The following DSCAM variants were observed in gnomAD, a reference collection of about 807,000 sequenced individuals.
DSCAM encodes DS cell adhesion molecule.
A neutral mutation model predicts 217.7 loss-of-function variants in DSCAM; 47 were observed. The observed-to-expected ratio is 0.22, with a 90% confidence interval of 0.17 to 0.28. The LOEUF is 0.28. DSCAM is among the 10% of genes least tolerant of loss of function. DSCAM has a pLI of 1.00. For synonymous variants in DSCAM, 1,056 were observed against 1,015.3 expected, an observed-to-expected ratio of 1.04 and a Z score of -0.76; for missense variants, 2,080 against 2,618.3, an observed-to-expected ratio of 0.79 and a Z score of 4.49.
intron 4 of DSCAM, among the ~76,000 whole-genome samples, chr21:40,363,631 T>G (rs948183587): frequency 6.6e-6 from 1 of 152,146 alleles, no homozygotes; most frequent in Admixed American, 6.5e-5. Flanking sequence ...AAGGACTTCA[T>G]GTCTAAAACA....
chr21:40,613,765 G>A (rs1237404255), intron 3 of DSCAM, among the ~76,000 whole-genome samples: 1 of 151,218 alleles, frequency 6.6e-6, no homozygotes, highest in Non-Finnish European at 1.5e-5. Context: ...GCTCACCACA[G>A]GGAATCTCAT....
intron 1 of DSCAM, among the ~76,000 whole-genome samples, chr21:40,845,107 G>A (rs1008863383): frequency 6.6e-6 from 1 of 152,182 alleles, no homozygotes; most frequent in Admixed American, 6.5e-5. Flanking sequence ...GTCCCTGAAG[G>A]GAAATTCCCA....
At chr21:40,317,944 C>G (rs1006175321) in intron 8 of DSCAM, among the ~76,000 whole-genome samples, 7 of 152,100 alleles carry the variant, frequency 4.6e-5, no homozygotes, top group African/African-American at 1.7e-4. Flanking sequence ...TTAAGAATGA[C>G]TTAGTTTACT....
At chr21:40,127,098 T>C (rs1336944280) in intron 19 of DSCAM, among the ~76,000 whole-genome samples, 1 of 152,210 alleles carries the variant, frequency 6.6e-6, no homozygotes, top group Non-Finnish European at 1.5e-5. Context: ...AAATCTACAA[T>C]AATAACTGTG....
intron 3 of DSCAM, among the ~76,000 whole-genome samples, chr21:40,496,055 T>C (rs1258033982): frequency 1.3e-5 from 2 of 152,212 alleles, no homozygotes; most frequent in Non-Finnish European, 2.9e-5. Flanking sequence ...AAATATTCTA[T>C]GTTTATGGAT....
intron 3 of DSCAM, among the ~76,000 whole-genome samples, chr21:40,502,195 A>G (rs1291606605): frequency 6.6e-6 from 1 of 152,222 alleles, no homozygotes; most frequent in Non-Finnish European, 1.5e-5. Flanking sequence ...AATAAAAATT[A>G]CTAATATTTT....
chr21:40,762,170 G>T (rs1277925267), intron 1 of DSCAM, among the ~76,000 whole-genome samples: 1 of 151,990 alleles, frequency 6.6e-6, no homozygotes, highest in Non-Finnish European at 1.5e-5. Flanking sequence ...ATGAATCCAG[G>T]AGCTGGTTTT....
intron 30 of DSCAM, among the ~76,000 whole-genome samples, chr21:40,049,053 G>C (rs1213206373): frequency 6.6e-6 from 1 of 152,198 alleles, no homozygotes; most frequent in East Asian, 1.9e-4. Context: ...GGAGAGTGAG[G>C]GGGGAACCAG....
At chr21:40,173,561 G>T (rs541837165) in intron 15 of DSCAM, among the ~76,000 whole-genome samples, 2 of 152,318 alleles carry the variant, frequency 1.3e-5, no homozygotes, top group South Asian at 4.1e-4. Flanking sequence ...TTCTCGCTGA[G>T]TGAATGCTGT....
intron 14 of DSCAM, among the ~76,000 whole-genome samples, chr21:40,186,754 C>G (rs1386017964): frequency 6.6e-6 from 1 of 152,172 alleles, no homozygotes; most frequent in Non-Finnish European, 1.5e-5. Context: ...TGGGCTCAGG[C>G]TCTACAAAAG....
intron 19 of DSCAM, among the ~76,000 whole-genome samples, chr21:40,125,464 A>C (rs2090083893): frequency 6.6e-6 from 1 of 152,210 alleles, no homozygotes; most frequent in African/African-American, 2.4e-5. Flanking sequence ...AGTCCCTTGC[A>C]AGCCCCTGGA....
intron 11 of DSCAM, among the ~76,000 whole-genome samples, chr21:40,263,690 A>G (rs2073484223): frequency 6.6e-6 from 1 of 152,184 alleles, no homozygotes; most frequent in African/African-American, 2.4e-5. Context: ...TAGCAGAAGA[A>G]AAGAAATAAC....
intron 1 of DSCAM, among the ~76,000 whole-genome samples, chr21:40,716,195 G>A (rs1212814703): frequency 2.6e-5 from 4 of 152,158 alleles, no homozygotes; most frequent in African/African-American, 7.2e-5. Flanking sequence ...TTCTCTAAGA[G>A]ACACATCATA....
At chr21:40,601,128 C>T (rs564346444) in intron 3 of DSCAM, among the ~76,000 whole-genome samples, 3 of 152,262 alleles carry the variant, frequency 2.0e-5, no homozygotes, top group East Asian at 1.9e-4. Context: ...AAACTGACAT[C>T]GTAACAAAAT....
At chr21:40,287,710 G>A (rs576371741) in intron 10 of DSCAM, among the ~76,000 whole-genome samples, 84 of 152,280 alleles carry the variant, frequency 5.5e-4, no homozygotes, top group African/African-American at 2.0e-3. Flanking sequence ...ATTTCTCCAG[G>A]TGGGCTGACA....
At chr21:40,417,002 T>G (rs960287950) in intron 3 of DSCAM, among the ~76,000 whole-genome samples, 1 of 152,158 alleles carries the variant, frequency 6.6e-6, no homozygotes, top group Admixed American at 6.5e-5. Context: ...CCTTCAAATT[T>G]TGTCATCTGA....
chr21:40,797,677 A>G (rs1047904696), intron 1 of DSCAM, among the ~76,000 whole-genome samples: 6 of 152,202 alleles, frequency 3.9e-5, no homozygotes, highest in African/African-American at 1.2e-4. Context: ...GTGCAGCCCT[A>G]TAAACATTTG....
In DSCAM at chr21:40,671,379, T is replaced by C. The variant is rs1300644534; in HGVS notation, c.508+21431A>G. Among the ~76,000 whole-genome samples, 6 of 152,118 alleles carry C rather than the reference T, an allele frequency of 3.9e-5. No homozygotes were observed. The South Asian group carries it at 1.2e-3, about 32-fold the overall frequency. On this transcript the variant is annotated intron_variant, in intron 3 of 32. Transcript: ENST00000400454. ...AACAAATAAAAAAGTCTCCATACAC[T>C]AACATGAACAAAGAGGCCTGGCACA...
Position 40,144,697 on chromosome 21 carries a change from C to A in DSCAM, c.3053G>T (p.Arg1018Leu). 6.2e-7 allele frequency: 1 copy of A among 1,614,114 alleles called. No individual in the cohort carries two copies. The highest frequency in any genetic ancestry group is 8.5e-7 in the Non-Finnish European group (1 of 1,180,006). ...CTCTCGGTAACCTATTTGGTAGCCA[C>A]GGATAATCCCATTTTGCAAATGTTT... ...PKKHLQNGII[R>L]GYQIGYREYS... The change falls in exon 17 of 33, where the codon CGT becomes CTT. Residue 1018 changes from arginine to leucine, a missense_variant. By Grantham distance (102) the Arg-to-Leu change is moderately radical. Transcript: ENST00000400454. This position sits in a 1 kb window ranked among gnomAD's most constrained non-coding sequence, Gnocchi z 4.8.
Sources: gnomAD v4.1 joint callset for allele counts (sites outside exome capture counted in the v4.1 genomes callset) on GRCh38, gnomAD v4.1.1 for gene constraint, Gnocchi (gnomAD v3.1) non-coding constraint, MANE v1.5 for transcripts, NCBI Gene and HGNC (gene_info 2026-07-23, HGNC 2026-07-21) for gene names.